The following ARHGEF3 variants were observed in gnomAD, a reference collection of about 807,000 sequenced individuals.
ARHGEF3 encodes 59.8 kDA protein.
In ARHGEF3, 28 loss-of-function variants were observed where a neutral mutation model predicts 63.2. That is an observed-to-expected ratio of 0.44 (90% CI 0.33 to 0.61). ARHGEF3 has a LOEUF of 0.61. ARHGEF3 is among the 20% of genes least tolerant of loss of function. ARHGEF3 has a pLI of 0.03. For synonymous variants in ARHGEF3, 266 were observed against 254.2 expected (o/e 1.05, Z -0.44); for missense variants, 533 against 659.3 (o/e 0.81, Z 2.10).
chr3:57,014,248 A>G (rs908700156), intron 2 of ARHGEF3, among the ~76,000 whole-genome samples: 1 of 152,180 alleles, frequency 6.6e-6, no homozygotes, highest in African/African-American at 2.4e-5. Flanking sequence ...CTCCGGACAC[A>G]CCATCTTTAA....
At chr3:56,755,436 C>CAGTT (rs2107772466) in intron 2 of ARHGEF3, among the ~76,000 whole-genome samples, 1 of 152,262 alleles carries the variant, frequency 6.6e-6, no homozygotes, top group South Asian at 2.1e-4. Flanking sequence ...CGCATGAAGG[C>CAGTT]AGTTCTTGGA....
chr3:56,859,892 T>A (rs1264798670), intron 4 of ARHGEF3, among the ~76,000 whole-genome samples: 1 of 151,938 alleles, frequency 6.6e-6, no homozygotes, highest in Non-Finnish European at 1.5e-5. Flanking sequence ...GGCATGATGG[T>A]TCACACACCT....
At chr3:56,772,100 A>G (rs2107834542) in intron 2 of ARHGEF3, among the ~76,000 whole-genome samples, 1 of 152,246 alleles carries the variant, frequency 6.6e-6, no homozygotes, top group Middle Eastern at 3.4e-3. Context: ...TCTTTCCTCC[A>G]TTCTCCCACA....
intron 2 of ARHGEF3, among the ~76,000 whole-genome samples, chr3:57,023,229 A>G (rs1373595122): frequency 6.6e-6 from 1 of 152,130 alleles, no homozygotes; most frequent in African/African-American, 2.4e-5. Flanking sequence ...GGCTCAACAG[A>G]TGTTAGTTTT....
In ARHGEF3 at chr3:56,729,326, T is replaced by C. The variant is rs773709707; in HGVS notation, c.1525A>G (p.Met509Val). The C allele has an allele frequency of 2.7e-5, 44 of 1,614,188 alleles. No homozygotes were observed. Among genetic ancestry groups the C allele is most frequent in the Non-Finnish European group, 3.7e-5 (44 of 1,180,036 alleles). ...TSEVSLDCER[M>V]EQTDSSCGNS... ...CCACAGGAAGAGTCTGTCTGTTCCATGCGCTCACAGTCGAGGCTGACCTCA... is the reference window on the plus strand; with the variant it reads ...CCACAGGAAGAGTCTGTCTGTTCCACGCGCTCACAGTCGAGGCTGACCTCA... Residue 509 changes from methionine (M) to valine (V), a missense_variant, in exon 10 of 10, where the codon ATG (methionine) becomes GTG (valine). Coordinates refer to ENST00000296315, the MANE Select transcript of ARHGEF3 (RefSeq NM_019555.3).
At chr3:56,914,629 C>T (rs6801254) in intron 3 of ARHGEF3, among the ~76,000 whole-genome samples, 138,061 of 152,250 alleles carry the variant, frequency 0.91, 62,839 homozygotes, top group South Asian at 0.96. Context: ...CAGAGCTCCA[C>T]GCAATATTAC....
Position 56,729,641 on chromosome 3 carries a change from T to A in ARHGEF3, c.1229-19A>T. On this transcript the variant is annotated intron_variant, in intron 9 of 9. Transcript: ENST00000296315. ...TTTTTAACTAGAAAGGAAAAACACA[T>A]GAAAAACAAAGTCAATGGACAGATC... is the stretch of plus-strand genomic sequence containing the variant. 6.4e-7 allele frequency: 1 copy of A among 1,570,938 alleles called. No homozygotes were observed. The highest frequency in any genetic ancestry group is 2.2e-5 in the East Asian group (1 of 44,536).
intron 1 of ARHGEF3, among the ~76,000 whole-genome samples, chr3:56,776,724 A>G (rs1325930156): frequency 6.6e-6 from 1 of 152,186 alleles, no homozygotes; most frequent in Non-Finnish European, 1.5e-5. Flanking sequence ...ATGCAATCGT[A>G]GGGATGCTTT....
chr3:56,765,602 T>C (rs1472975333), intron 2 of ARHGEF3, among the ~76,000 whole-genome samples: 1 of 152,164 alleles, frequency 6.6e-6, no homozygotes, highest in Non-Finnish European at 1.5e-5. Context: ...ATTTCTTATA[T>C]CTAGATGGCA....
chr3:57,019,626 A>T (rs1703163307), intron 2 of ARHGEF3, among the ~76,000 whole-genome samples: 1 of 152,232 alleles, frequency 6.6e-6, no homozygotes, highest in Non-Finnish European at 1.5e-5. Context: ...GAGATGCCAC[A>T]TCAGATCAGG....
At chr3:56,802,030 G>A, upstream of ARHGEF3, 1 of 1,393,324 alleles carries the variant, frequency 7.2e-7, no homozygotes, top group Middle Eastern at 2.7e-4. Flanking sequence ...GCTCGGCACC[G>A]CCCCACGCTG....
upstream of ARHGEF3, among the ~76,000 whole-genome samples, chr3:56,803,426 C>A (rs2107977437): frequency 6.9e-6 from 1 of 145,820 alleles, no homozygotes; most frequent in South Asian, 2.2e-4. Context: ...GTGACAGAGA[C>A]CCTGAGAAAA....
At chr3:56,901,372 G>GTATATA (rs1192378190) in intron 3 of ARHGEF3, among the ~76,000 whole-genome samples, 12 of 16,402 alleles carry the variant, frequency 7.3e-4, no homozygotes, top group African/African-American at 3.2e-3. Context: ...GGCAAAGTAT[G>GTATATA]TATATGTATA....
chr3:56,955,507 T>A (rs917481703), intron 3 of ARHGEF3, among the ~76,000 whole-genome samples: 5 of 152,158 alleles, frequency 3.3e-5, no homozygotes, highest in African/African-American at 1.2e-4. Flanking sequence ...CCGGCCTGGA[T>A]CCCTTTTCTT....
At chr3:56,909,244 A>T (rs532284642) in intron 3 of ARHGEF3, among the ~76,000 whole-genome samples, 1 of 152,224 alleles carries the variant, frequency 6.6e-6, no homozygotes, top group African/African-American at 2.4e-5. Context: ...ATACACATGA[A>T]CTCAGGAAGG....
chr3:56,774,351 A>G (rs765834513), intron 1 of ARHGEF3, among the ~76,000 whole-genome samples: 1 of 152,206 alleles, frequency 6.6e-6, no homozygotes, highest in Non-Finnish European at 1.5e-5. Flanking sequence ...CTCTTAAGAA[A>G]GCATCTTTGT....
At chr3:56,850,757 C>G (rs1278426280) in intron 4 of ARHGEF3, among the ~76,000 whole-genome samples, 1 of 152,142 alleles carries the variant, frequency 6.6e-6, no homozygotes, top group Non-Finnish European at 1.5e-5. Context: ...TCCAGGCCTT[C>G]AAGGGGCTCA....
At position 56,916,347 on chromosome 3, in the gene ARHGEF3, G is replaced by A. The variant is rs377667453; in HGVS notation, c.130-33993C>T. The A allele has an allele frequency of 1.2e-5, 19 of 1,535,014 alleles. No individual in the cohort carries two copies. In the Admixed American group the frequency reaches 2.2e-4, roughly 17 times the overall value. ...AAGAGGCAGCACCACACCATGGGGC[G>A]CTCTGACCTCATCCACCCGGACTCA... On this transcript the variant is annotated intron_variant, in intron 3 of 12. Coordinates refer to the ARHGEF3 transcript ENST00000338458.
intron 1 of ARHGEF3, among the ~76,000 whole-genome samples, chr3:56,793,899 A>T (rs1450031674): frequency 6.6e-6 from 1 of 152,244 alleles, no homozygotes; most frequent in Non-Finnish European, 1.5e-5. Flanking sequence ...CTAAAGAAGC[A>T]TATTAAGCCT....
Sources: gnomAD v4.1 joint callset for allele counts (sites outside exome capture counted in the v4.1 genomes callset) on GRCh38, gnomAD v4.1.1 for gene constraint, MANE v1.5 for transcripts, NCBI Gene and HGNC (gene_info 2026-07-23, HGNC 2026-07-21) for gene names.